Variants in NOVA1 observed in about 807,000 individuals in gnomAD.
NOVA1 encodes NOVA alternative splicing regulator 1.
A neutral mutation model predicts 38.0 loss-of-function variants in NOVA1; 7 were observed. The ratio of observed to expected loss-of-function variants is 0.18; its 90% CI spans 0.10 to 0.35. NOVA1 has a LOEUF of 0.35. Among genes scored for constraint, NOVA1 ranks in the 10% least tolerant of loss-of-function variants. NOVA1 has a pLI of 1.00. For missense variants in NOVA1, 460 were observed against 616.0 expected (o/e 0.75, Z 2.68); for synonymous variants, 270 against 232.5 (o/e 1.16, Z -1.47).
chr14:26,510,112 AC>A (rs1887956841), intron 2 of NOVA1, among the ~76,000 whole-genome samples: 1 of 31,594 alleles, frequency 3.2e-5, no homozygotes. Flanking sequence ...CTTCAGAAAT[AC>A]TCACTGAAAG....
chr14:26,463,937 A>G (rs1883909150), intron 4 of NOVA1, among the ~76,000 whole-genome samples: 1 of 152,188 alleles, frequency 6.6e-6, no homozygotes, highest in Non-Finnish European at 1.5e-5. Context: ...AGTGTTCTAA[A>G]TACTTCTCAT....
chr14:26,518,397 T>C (rs941868505), intron 2 of NOVA1, among the ~76,000 whole-genome samples: 3 of 152,028 alleles, frequency 2.0e-5, no homozygotes, highest in African/African-American at 7.2e-5. Context: ...ACCAAAGATA[T>C]TAGCTTGTTT....
At chr14:26,569,958 T>G (rs889760148) in intron 2 of NOVA1, among the ~76,000 whole-genome samples, 1 of 152,194 alleles carries the variant, frequency 6.6e-6, no homozygotes, top group African/African-American at 2.4e-5. Context: ...ATGATAATTC[T>G]GTATCTTCCA....
intron 2 of NOVA1, among the ~76,000 whole-genome samples, chr14:26,574,022 A>AT (rs1487892912): frequency 8.7e-5 from 11 of 126,042 alleles, no homozygotes; most frequent in South Asian, 4.8e-4. Flanking sequence ...CAAAGATTAC[A>AT]CTTTTTTTTT....
chr14:26,595,863 C>CCATGTTCTATCTGTGG (rs1319287318), intron 1 of NOVA1: 1 of 345,060 alleles, frequency 2.9e-6, no homozygotes, highest in Non-Finnish European at 5.5e-6. Context: ...TGGAAATCTT[C>CCATGTTCTATCTGTGG]CAATTCTATC....
At chr14:26,488,763 GA>G (rs1376355075) in intron 2 of NOVA1, among the ~76,000 whole-genome samples, 9 of 152,026 alleles carry the variant, frequency 5.9e-5, no homozygotes, top group Admixed American at 1.3e-4. Flanking sequence ...ATAATAAATA[GA>G]GATTTGCTGA....
chr14:26,581,445 G>A (rs1259706915), intron 2 of NOVA1, among the ~76,000 whole-genome samples: 1 of 151,892 alleles, frequency 6.6e-6, no homozygotes, highest in Non-Finnish European at 1.5e-5. Context: ...GAAGGCAATT[G>A]AATCATTTCA....
At chr14:26,478,710 ATATT>A (rs896564305) in intron 3 of NOVA1, among the ~76,000 whole-genome samples, 5 of 152,080 alleles carry the variant, frequency 3.3e-5, no homozygotes, top group African/African-American at 4.8e-5. Context: ...CAGCTTTAAA[ATATT>A]TATATTCTCC....
rs910923683 is a variant in NOVA1 at position 26,461,717 on chromosome 14, T to C, written c.519+10603A>G. The stretch of plus-strand genomic sequence containing the variant: ...GCTGAGGCGGGCAGATCACCTGAGG[T>C]CGAGAGTTCAAGACCAGCCTGACCA... On this transcript the variant is annotated intron_variant, in intron 4 of 4. Transcript: ENST00000539517. Among the ~76,000 whole-genome samples the C allele has an allele frequency of 2.0e-5, 3 of 147,556 alleles. No individual in the cohort carries two copies. In the Admixed American group the frequency reaches 2.1e-4, roughly 10 times the overall value.
chr14:26,574,552 C>A (rs982414643), intron 2 of NOVA1, among the ~76,000 whole-genome samples: 1 of 151,964 alleles, frequency 6.6e-6, no homozygotes, highest in Non-Finnish European at 1.5e-5. Flanking sequence ...TAACAAATAG[C>A]TTTAGGTTTC....
At chr14:26,525,853 T>C (rs553846551) in intron 2 of NOVA1, among the ~76,000 whole-genome samples, 1 of 152,080 alleles carries the variant, frequency 6.6e-6, no homozygotes, top group African/African-American at 2.4e-5. Flanking sequence ...AAAATTAATA[T>C]ATTTGTCTTG....
At chr14:26,596,549 T>G (rs748586476) in intron 1 of NOVA1, 3 of 1,289,112 alleles carry the variant, frequency 2.3e-6, no homozygotes, top group Admixed American at 2.3e-5. Flanking sequence ...CCGTCTACAA[T>G]GCATATGCTG....
At chr14:26,453,255 T>C in intron 4 of NOVA1, among the ~76,000 whole-genome samples, 1 of 152,130 alleles carries the variant, frequency 6.6e-6, no homozygotes, top group East Asian at 1.9e-4. Flanking sequence ...CCACCCAGGC[T>C]GGAGTACAGT....
In NOVA1 at chr14:26,444,115, T is replaced by C. The variant is rs1236629185; in HGVS notation, c.*3844A>G. On this transcript the variant is annotated 3_prime_UTR_variant, in exon 5 of 5. Transcript: ENST00000539517. The stretch of plus-strand genomic sequence containing the variant: ...GGATTAAAAGGAATATGATTATCAG[T>C]ACCTTTGTTGAAATCTATTACCACC... The C allele has an allele frequency of 6.6e-6, 1 of 152,102 alleles. No homozygotes were observed. The highest frequency in any genetic ancestry group is 1.5e-5 in the Non-Finnish European group (1 of 67,986). The allele number at this position is 152,102 out of a possible 1,614,324, so 9.4% of individuals were successfully genotyped here.
chr14:26,538,096 G>A (rs1890230911), intron 2 of NOVA1, among the ~76,000 whole-genome samples: 1 of 152,140 alleles, frequency 6.6e-6, no homozygotes, highest in Non-Finnish European at 1.5e-5. Context: ...GAAAGACTCA[G>A]AGCCAAATCA....
intron 2 of NOVA1, among the ~76,000 whole-genome samples, chr14:26,583,000 A>G (rs528351227): frequency 6.6e-6 from 1 of 151,970 alleles, no homozygotes; most frequent in Non-Finnish European, 1.5e-5. Context: ...GTTTTTAAAC[A>G]AGATGTCAAA....
chr14:26,596,756 A>G (rs974004173), intron 1 of NOVA1: 25 of 1,256,132 alleles, frequency 2.0e-5, no homozygotes, highest in Non-Finnish European at 2.5e-5. Context: ...ATTTGCACCG[A>G]CAATCTAAGT....
rs1257899894 is a variant in NOVA1 at position 26,459,990 on chromosome 14, T to C, written c.520-11027A>G. 2.0e-5 allele frequency among the ~76,000 whole-genome samples: 3 copies of C among 152,160 alleles called. No individual in the cohort carries two copies. In the East Asian group the frequency reaches 5.8e-4, roughly 29 times the overall value. On this transcript the variant is annotated intron_variant, in intron 4 of 4. Coordinates refer to ENST00000539517, the MANE Select transcript of NOVA1 (RefSeq NM_002515.3). The stretch of plus-strand genomic sequence containing the variant: ...TGATTTATTAAATTGTAGTTGCTTA[T>C]GGGTATTTTATATTTACTGATTAGG...
At chr14:26,502,291 A>T (rs1362795462) in intron 2 of NOVA1, among the ~76,000 whole-genome samples, 1 of 151,874 alleles carries the variant, frequency 6.6e-6, no homozygotes, top group African/African-American at 2.4e-5. Flanking sequence ...TCTTGCTAAC[A>T]TGTCATGCAA....
Sources: allele counts gnomAD v4.1 joint callset (sites outside exome capture counted in the v4.1 genomes callset), GRCh38; gene constraint gnomAD v4.1.1; transcripts MANE v1.5; gene names NCBI Gene and HGNC (gene_info 2026-07-23, HGNC 2026-07-21).